Variants in CSNK2A2IP observed in about 807,000 individuals in gnomAD.
CSNK2A2IP encodes casein kinase 2 subunit alpha' interacting protein.
At chr3:88,409,034 A>T in the CSNK2A2IP span, among the ~76,000 whole-genome samples, 8 of 151,904 alleles carry the variant, frequency 5.3e-5, no homozygotes, top group Non-Finnish European at 7.4e-5. Context: ...TTTCCTACTG[A>T]CTCTGACCCA....
the CSNK2A2IP span, among the ~76,000 whole-genome samples, chr3:88,413,827 T>A: frequency 5.3e-5 from 8 of 152,068 alleles, no homozygotes; most frequent in South Asian, 6.2e-4. Flanking sequence ...AACCCCAACA[T>A]ATAAGTGACA....
the CSNK2A2IP span, among the ~76,000 whole-genome samples, chr3:88,344,463 G>T: frequency 6.6e-6 from 1 of 151,904 alleles, no homozygotes; most frequent in Admixed American, 6.6e-5. Flanking sequence ...AGAAATAATA[G>T]CAAGAGCTAT....
chr3:88,372,189 T>C, the CSNK2A2IP span, among the ~76,000 whole-genome samples: 1 of 151,734 alleles, frequency 6.6e-6, no homozygotes, highest in Non-Finnish European at 1.5e-5. Flanking sequence ...TATAACATTA[T>C]ATGGTTAAGT....
At chr3:88,428,225 G>A in the CSNK2A2IP span, among the ~76,000 whole-genome samples, 1 of 152,062 alleles carries the variant, frequency 6.6e-6, no homozygotes, top group Non-Finnish European at 1.5e-5. Flanking sequence ...TCTCCCATTT[G>A]GAACGGCTGT....
chr3:88,423,627 A>G, the CSNK2A2IP span, among the ~76,000 whole-genome samples: 1 of 152,120 alleles, frequency 6.6e-6, no homozygotes, highest in African/African-American at 2.4e-5. Flanking sequence ...TCAAGTTTCC[A>G]TGCCTAGGGA....
chr3:88,446,064 T>C, the CSNK2A2IP span, among the ~76,000 whole-genome samples: 352 of 141,826 alleles, frequency 2.5e-3, 7 homozygotes, highest in Non-Finnish European at 3.5e-3. Flanking sequence ...CTTTCTTTCT[T>C]TCTTTCTTTC....
At chr3:88,465,647 A>C in the CSNK2A2IP span, 3 of 1,231,560 alleles carry the variant, frequency 2.4e-6, no homozygotes, top group Non-Finnish European at 3.0e-6. Context: ...CATGCCAAGC[A>C]TCAGAACACA....
the CSNK2A2IP span, among the ~76,000 whole-genome samples, chr3:88,442,670 T>G: frequency 1.3e-5 from 2 of 152,086 alleles, no homozygotes; most frequent in South Asian, 4.1e-4. Context: ...ATAAGGAAAC[T>G]GAGGCTTACA....
chr3:88,421,137 A>C, the CSNK2A2IP span, among the ~76,000 whole-genome samples: 3 of 152,112 alleles, frequency 2.0e-5, no homozygotes, highest in Non-Finnish European at 4.4e-5. Flanking sequence ...CCAGGTTTGC[A>C]TAACATTCTT....
the CSNK2A2IP span, among the ~76,000 whole-genome samples, chr3:88,418,383 C>G: frequency 6.6e-6 from 1 of 151,958 alleles, no homozygotes; most frequent in African/African-American, 2.4e-5. Context: ...ATAATTAGGA[C>G]TGTCTTTATG....
chr3:88,340,691 A>G, the CSNK2A2IP span, among the ~76,000 whole-genome samples: 4 of 152,032 alleles, frequency 2.6e-5, no homozygotes, highest in African/African-American at 9.6e-5. Flanking sequence ...GCTAATGAAT[A>G]GCCTCAAGTA....
At chr3:88,464,629 A>G in the CSNK2A2IP span, among the ~76,000 whole-genome samples, 1 of 152,154 alleles carries the variant, frequency 6.6e-6, no homozygotes, top group African/African-American at 2.4e-5. Flanking sequence ...TTTTGGAAGT[A>G]AACTAAAAGA....
the CSNK2A2IP span, among the ~76,000 whole-genome samples, chr3:88,464,663 T>C: frequency 3.3e-5 from 5 of 152,258 alleles, no homozygotes; most frequent in Non-Finnish European, 4.4e-5. Context: ...TAACTGAATC[T>C]GAACTGAAAA....
the CSNK2A2IP span, chr3:88,466,311 T>A: frequency 8.1e-7 from 1 of 1,231,764 alleles, no homozygotes; most frequent in Non-Finnish European, 1.0e-6. Context: ...TACCATTGTT[T>A]CAGCTCAATT....
the CSNK2A2IP span, among the ~76,000 whole-genome samples, chr3:88,430,637 G>A: frequency 6.6e-6 from 1 of 152,004 alleles, no homozygotes; most frequent in Non-Finnish European, 1.5e-5. Flanking sequence ...TATCAGGCTG[G>A]TAAAAATTTT....
At chr3:88,445,299 A>AAAAAAAAAAAAAAAAAAAAAAG in the CSNK2A2IP span, among the ~76,000 whole-genome samples, 1 of 149,158 alleles carries the variant, frequency 6.7e-6, no homozygotes, top group Admixed American at 6.8e-5. Flanking sequence ...AAAAAAAAAA[A>AAAAAAAAAAAAAAAAAAAAAAG]ATTAGCCAGG....
chr3:88,371,170 A>C, the CSNK2A2IP span, among the ~76,000 whole-genome samples: 1 of 151,888 alleles, frequency 6.6e-6, no homozygotes. Context: ...AATAAAATGG[A>C]AAGTGTGATG....
At chr3:88,463,804 A>G in the CSNK2A2IP span, among the ~76,000 whole-genome samples, 6 of 152,162 alleles carry the variant, frequency 3.9e-5, no homozygotes, top group African/African-American at 7.2e-5. Flanking sequence ...ATTACTGGGT[A>G]TATACCCAAA....
chr3:88,420,870 T>C, the CSNK2A2IP span, among the ~76,000 whole-genome samples: 5 of 152,138 alleles, frequency 3.3e-5, no homozygotes, highest in East Asian at 1.9e-4. Flanking sequence ...TTCATTTACA[T>C]AGGATCTAAC....
Sources: gnomAD v4.1 joint callset for allele counts (sites outside exome capture counted in the v4.1 genomes callset) on GRCh38, gnomAD v4.1.1 for gene constraint, MANE v1.5 for transcripts, NCBI Gene and HGNC (gene_info 2026-07-23, HGNC 2026-07-21) for gene names.